The following RFXANK variants were observed in gnomAD, a reference collection of about 807,000 sequenced individuals.
RFXANK encodes regulatory factor X associated ankyrin containing protein.
In RFXANK, 19 loss-of-function variants were observed where a neutral mutation model predicts 34.5. The observed-to-expected ratio is 0.55, with a 90% CI of 0.38 to 0.81. The LOEUF (loss-of-function observed/expected upper bound fraction) is 0.81. Among genes scored for constraint, RFXANK ranks in the 30% least tolerant of loss-of-function variants. The pLI is 0.00. For missense variants in RFXANK, 295 were observed against 343.5 expected (o/e 0.86, Z 1.12); for synonymous variants, 154 against 149.8 (o/e 1.03, Z -0.20).
intron 3 of RFXANK, among the ~76,000 whole-genome samples, chr19:19,196,230 C>T (rs1239942644): frequency 1.3e-5 from 2 of 152,092 alleles, no homozygotes; most frequent in Admixed American, 6.6e-5. Flanking sequence ...ATGGTGGAGT[C>T]CCAGGCACTG....
intron 9 of RFXANK, among the ~76,000 whole-genome samples, chr19:19,199,630 G>C (rs2060665230): frequency 6.6e-6 from 1 of 152,082 alleles, no homozygotes; most frequent in South Asian, 2.1e-4. Context: ...GAAGGATTCT[G>C]GGGGACCTGA....
rs764042439 is a variant in RFXANK, at chr19:19,197,254, G to A, written c.337+3G>A. ...GCTGAAGGAGCATTTGCGGAAAGGTGCGTGTCCACACACATGTGCTGGCAT... is the reference window on the plus strand; with the variant it reads ...GCTGAAGGAGCATTTGCGGAAAGGTACGTGTCCACACACATGTGCTGGCAT... On this transcript the variant is annotated splice_donor_region_variant and intron_variant, in intron 5 of 9. Coordinates refer to ENST00000303088, the MANE Select transcript of RFXANK (RefSeq NM_003721.4). 1 of 1,612,476 alleles carries A rather than the reference G, an allele frequency of 6.2e-7. No homozygotes were observed. Among genetic ancestry groups the A allele is most frequent in the African/African-American group, 1.3e-5 (1 of 74,906 alleles).
chr19:19,195,130 CT>C lies in RFXANK; in HGVS notation c.187+998del, dbSNP rs150162111. On this transcript the variant is annotated intron_variant, in intron 3 of 9. Coordinates refer to ENST00000303088, the MANE Select transcript of RFXANK (RefSeq NM_003721.4). Reference sequence around the variant, plus strand: ...ATGGAGTGCAGTGGCGCAATCTTGGCTCACTGCAAGCTCCACCTCCCGTGTT... The same window carrying C: ...ATGGAGTGCAGTGGCGCAATCTTGGCCACTGCAAGCTCCACCTCCCGTGTT... Among the ~76,000 whole-genome samples the C allele has an allele frequency of 5.3e-3, 799 of 150,194 alleles. 8 individuals are homozygous for C. Among genetic ancestry groups the C allele is most frequent in the African/African-American group, 0.019 (758 of 40,762 alleles).
At chr19:19,192,659 C>T (rs1424664525) in intron 1 of RFXANK, 105 bp downstream of exon 1, 3 of 154,426 alleles carry the variant, frequency 1.9e-5, no homozygotes, top group Non-Finnish European at 2.9e-5. Context: ...TTGGCTCCCT[C>T]TGGAAAAATC....
chr19:19,200,520 C>T (rs2146511368), intron 9 of RFXANK, among the ~76,000 whole-genome samples: 1 of 151,940 alleles, frequency 6.6e-6, no homozygotes, highest in East Asian at 1.9e-4. Context: ...CTATGTTGCC[C>T]AGGCTGGTCT....
chr19:19,198,372 C>T, intron 7 of RFXANK, 140 bp downstream of exon 7: 1 of 1,337,602 alleles, frequency 7.5e-7, no homozygotes, highest in Non-Finnish European at 1.0e-6. Context: ...CCTCACAGAG[C>T]AGAGCTCCCC....
rs556678969 is a variant in RFXANK at position 19,198,103 on chromosome 19, G to T, written c.439-4G>T. On this transcript the variant is annotated splice_region_variant and splice_polypyrimidine_tract_variant and intron_variant, in intron 6 of 9. Transcript: ENST00000303088. The stretch of plus-strand genomic sequence containing the variant: ...CCTACCACTGTCCCTTCTTCTCCCT[G>T]CAGGGTGCCGACCCCCACATCCTGG... 64 of 1,613,582 alleles carry T rather than the reference G, an allele frequency of 4.0e-5. No homozygotes were observed. In the South Asian group the frequency reaches 6.6e-4, roughly 17 times the overall value.
At chr19:19,196,486 C>A (rs1446049630) in intron 3 of RFXANK, among the ~76,000 whole-genome samples, 1 of 151,298 alleles carries the variant, frequency 6.6e-6, no homozygotes, top group East Asian at 1.9e-4. Flanking sequence ...GGCTTGAGCC[C>A]AGGAGGTTGA....
intron 8 of RFXANK, 56 bp from the exon 9 acceptor site, chr19:19,199,098 A>AC: frequency 1.3e-6 from 2 of 1,523,656 alleles, no homozygotes; most frequent in Non-Finnish European, 1.8e-6. Flanking sequence ...AGGTCCCCAG[A>AC]CCCCATTCTG....
chr19:19,198,327 T>C (rs1412083035), intron 7 of RFXANK, 95 bp downstream of exon 7: 11 of 1,554,240 alleles, frequency 7.1e-6, no homozygotes, highest in Admixed American at 1.9e-5. Context: ...AGGCCTGCTC[T>C]AGGTGCCGAG....
At chr19:19,201,367 C>T in intron 9 of RFXANK, 2 of 1,094,140 alleles carry the variant, frequency 1.8e-6, no homozygotes, top group East Asian at 2.6e-5. Context: ...TGTGAGCCAC[C>T]ATGCCCAGGC....
chr19:19,200,524 C>G (rs2060690203), intron 9 of RFXANK, among the ~76,000 whole-genome samples: 1 of 151,568 alleles, frequency 6.6e-6, no homozygotes. Flanking sequence ...GTTGCCCAGG[C>G]TGGTCTCAAA....
intron 9 of RFXANK, among the ~76,000 whole-genome samples, chr19:19,200,345 T>G (rs1463084457): frequency 1.3e-5 from 2 of 151,630 alleles, no homozygotes; most frequent in African/African-American, 2.4e-5. Flanking sequence ...GCCCGGCTAA[T>G]TTTTATATTT....
At chr19:19,200,593 T>G (rs1265887849) in intron 9 of RFXANK, among the ~76,000 whole-genome samples, 1 of 151,844 alleles carries the variant, frequency 6.6e-6, no homozygotes, top group Admixed American at 6.6e-5. Context: ...ACTACAGGCA[T>G]GTACCACTCT....
At chr19:19,192,764 AAAG>A (rs2060507856) in intron 1 of RFXANK, 193 bp from the exon 2 acceptor site, 1 of 152,702 alleles carries the variant, frequency 6.5e-6, no homozygotes, top group South Asian at 2.0e-4. Context: ...GAGGAGGGGA[AAAG>A]AAGGCGCAGG....
At chr19:19,196,624 G>C (rs1729484140) in intron 3 of RFXANK, among the ~76,000 whole-genome samples, 1 of 152,076 alleles carries the variant, frequency 6.6e-6, no homozygotes, top group African/African-American at 2.4e-5. Context: ...CAGCACTTTG[G>C]GAGGCTGAGG....
Position 19,197,169 on chromosome 19 carries a change from C to T in RFXANK, c.272-17C>T, listed in dbSNP as rs778375881. The T allele has an allele frequency of 3.7e-6, 6 of 1,613,782 alleles. No individual in the cohort carries two copies. The highest frequency in any genetic ancestry group is 4.5e-5 in the East Asian group (2 of 44,884). ...AGCAAGGGGATGAGTGAGGACTCTG[C>T]CTCTGTCCTGCCCCAGCCCTGTCCA... On this transcript the variant is annotated splice_polypyrimidine_tract_variant and intron_variant, in intron 4 of 9. Coordinates refer to ENST00000303088, the MANE Select transcript of RFXANK (RefSeq NM_003721.4).
chr19:19,198,738 G>T lies in RFXANK; in HGVS notation c.631+15G>T. 1 of 1,613,748 alleles carries T rather than the reference G, an allele frequency of 6.2e-7. No individual in the cohort carries two copies. On this transcript the variant is annotated intron_variant, in intron 8 of 9. Transcript: ENST00000303088. ...GGCCTTGCTGGGTGAGTGGGAGTCGGGAGTGGCCCTGGGGGCCCCAGCACT... is the reference window on the plus strand; with the variant it reads ...GGCCTTGCTGGGTGAGTGGGAGTCGTGAGTGGCCCTGGGGGCCCCAGCACT...
rs1343865099 is a variant in RFXANK, at chr19:19,197,045, CTG to C, written c.271+2_271+3del. 3 of 1,613,522 alleles carry C rather than the reference CTG, an allele frequency of 1.9e-6. No homozygotes were observed. The highest frequency in any genetic ancestry group is 2.5e-6 in the Non-Finnish European group (3 of 1,180,030). ...TGTCAGCTCTGCCGGCCACCCTAGA[CTG>C]TGAGTGGGCCCACGGTCCCCAACAA... On this transcript the variant is annotated splice_donor_variant and coding_sequence_variant, in exon 4 of 10. Coordinates refer to ENST00000303088, the MANE Select transcript of RFXANK (RefSeq NM_003721.4). LOFTEE classifies it high-confidence loss of function.
Sources: allele counts gnomAD v4.1 joint callset (sites outside exome capture counted in the v4.1 genomes callset), GRCh38; gene constraint gnomAD v4.1.1; transcripts MANE v1.5; gene names NCBI Gene and HGNC (gene_info 2026-07-23, HGNC 2026-07-21).